EXD1: variants seen among roughly 807,000 people sequenced by gnomAD.
EXD1 encodes the protein exonuclease 3'-5' domain containing 1.
A neutral mutation model predicts 49.1 loss-of-function variants in EXD1; 63 were observed. The ratio of observed to expected loss-of-function variants is 1.28; its 90% CI spans 1.05 to 1.58. The LOEUF is 1.58. EXD1 is among the 40% of genes most tolerant of loss of function. EXD1 has a pLI of 0.00. For missense variants in EXD1, 748 were observed against 666.0 expected (o/e 1.12, Z -1.36); for synonymous variants, 234 against 239.2 (o/e 0.98, Z 0.20).
rs1198449650 is a variant in EXD1 at position 41,184,157 on chromosome 15, C to A, written c.1493G>T (p.Ser498Ile). 2 of 1,614,066 alleles carry A rather than the reference C, an allele frequency of 1.2e-6. No homozygotes were observed. The highest frequency in any genetic ancestry group is 2.7e-5 in the African/African-American group (2 of 74,940). ...FMTPKHEFQA[S>I]LSLKEETEQL... ...TTCTGTCTCCTCTTTCAAAGATAAA[C>A]TTGCCTGAAACTCATGTTTGGGTGT... The change falls in exon 12 of 12, where the codon AGT becomes ATT. Residue 498 changes from serine (S) to isoleucine (I), a missense_variant. Coordinates refer to ENST00000458580, the MANE Select transcript of EXD1 (RefSeq NM_001286441.2).
rs755130305 is a variant in EXD1, at chr15:41,184,406, C to G, written c.1244G>C (p.Gly415Ala). Residue 415 changes from glycine (G) to alanine (A), a missense_variant, in exon 12 of 12, where the codon GGT (glycine) becomes GCT (alanine). Transcript: ENST00000458580. Reference protein sequence around the residue: ...KEEKVKGFLFGKNFRIDKAPS... With the variant: ...KEEKVKGFLFAKNFRIDKAPS... ...AGCTTTATCTATCCTAAAATTTTTACCAAATAAGAAGCCTTTGACTTTCTC... is the reference window on the plus strand; with the variant it reads ...AGCTTTATCTATCCTAAAATTTTTAGCAAATAAGAAGCCTTTGACTTTCTC... 1.9e-6 allele frequency: 3 copies of G among 1,613,878 alleles called. No individual in the cohort carries two copies. Among genetic ancestry groups the G allele is most frequent in the Non-Finnish European group, 2.5e-6 (3 of 1,180,020 alleles).
chr15:41,219,114 T>G (rs2047049120), intron 3 of EXD1, among the ~76,000 whole-genome samples: 1 of 152,150 alleles, frequency 6.6e-6, no homozygotes, highest in South Asian at 2.1e-4. Flanking sequence ...GAACATTTCT[T>G]GCTTTCTCTT....
intron 2 of EXD1, among the ~76,000 whole-genome samples, chr15:41,225,151 C>T (rs990596523): frequency 3.3e-5 from 5 of 152,164 alleles, no homozygotes; most frequent in Non-Finnish European, 7.3e-5. Context: ...TGTCTTTCAG[C>T]CATTGCACTG....
chr15:41,189,523 C>A (rs1249883653), intron 11 of EXD1, among the ~76,000 whole-genome samples: 1 of 150,962 alleles, frequency 6.6e-6, no homozygotes. Context: ...ATTAGCCAGG[C>A]GTGGTGGCAC....
At chr15:41,208,369 G>GAAAAAAAA (rs10586810) in intron 7 of EXD1, among the ~76,000 whole-genome samples, 1 of 62,672 alleles carries the variant, frequency 1.6e-5, no homozygotes. Context: ...ACTCATCTCT[G>GAAAAAAAA]AAAAAAAAAA....
rs148420576 is a variant in EXD1 at position 41,204,466 on chromosome 15, G to A, written c.534+5035C>T. Among the ~76,000 whole-genome samples the A allele has an allele frequency of 4.0e-3, 604 of 152,100 alleles. 23 individuals carry two copies. In the East Asian group the frequency reaches 0.07, roughly 18 times the overall value. On this transcript the variant is annotated intron_variant, in intron 7 of 11. Coordinates refer to ENST00000458580, the MANE Select transcript of EXD1 (RefSeq NM_001286441.2). ...CTGGGGAGGCTGAGGCAGGAGAATC[G>A]CTGGAACCCAGGAGATGGAGGCTGC...
intron 1 of EXD1, among the ~76,000 whole-genome samples, chr15:41,227,220 T>A (rs2047176097): frequency 1.3e-5 from 2 of 152,228 alleles, no homozygotes; most frequent in Non-Finnish European, 2.9e-5. Flanking sequence ...TTCTTTCAAC[T>A]TGTGTTTAAT....
At chr15:41,184,619 T>G in intron 11 of EXD1, 26 bp from the exon 12 acceptor site, 1 of 1,541,884 alleles carries the variant, frequency 6.5e-7, no homozygotes, top group Non-Finnish European at 8.7e-7. Flanking sequence ...GAACACAAGT[T>G]TATTATAACT....
intron 1 of EXD1, among the ~76,000 whole-genome samples, chr15:41,228,449 G>A (rs2047193958): frequency 1.3e-5 from 2 of 152,104 alleles, no homozygotes; most frequent in South Asian, 2.1e-4. Flanking sequence ...AAGTTTAGAA[G>A]GTTAAGACAC....
At position 41,230,515 on chromosome 15, in the gene EXD1, C is replaced by G; in HGVS notation, c.-90G>C. ...AATTCACTGTCCTCCATCGTTAGGG[C>G]TTTTTCCTCCGAAGGAAGTTTGGGA... On this transcript the variant is annotated 5_prime_UTR_variant, in exon 1 of 12. Transcript: ENST00000458580. 6.2e-7 allele frequency: 1 copy of G among 1,614,156 alleles called. No homozygotes were observed. Among genetic ancestry groups the G allele is most frequent in the Non-Finnish European group, 8.5e-7 (1 of 1,180,008 alleles).
In EXD1 at chr15:41,199,739, G is replaced by GATATATC. The variant is rs777473507; in HGVS notation, c.535-3703_535-3702insGATATAT. 3.4e-3 allele frequency among the ~76,000 whole-genome samples: 271 copies of GATATATC among 79,358 alleles called. 11 individuals carry two copies. Among genetic ancestry groups the GATATATC allele is most frequent in the African/African-American group, 0.013 (260 of 19,414 alleles). The allele number at this position is 79,358 out of a possible 152,430, so 52.1% of individuals were successfully genotyped here. On this transcript the variant is annotated intron_variant, in intron 7 of 11. Coordinates refer to ENST00000458580, the MANE Select transcript of EXD1 (RefSeq NM_001286441.2). ...ATGATATATTATATATGATATATAT[G>GATATATC]TCATATATTATATATGATACATATA...
At chr15:41,226,910 T>C (rs1234241839) in intron 1 of EXD1, among the ~76,000 whole-genome samples, 1 of 152,130 alleles carries the variant, frequency 6.6e-6, no homozygotes, top group East Asian at 1.9e-4. Context: ...AGCAGAACAT[T>C]TAGAGGCTTT....
rs539338246 is a variant in EXD1 at position 41,205,467 on chromosome 15, T to G, written c.534+4034A>C. On this transcript the variant is annotated intron_variant, in intron 7 of 11. Coordinates refer to ENST00000458580, the MANE Select transcript of EXD1 (RefSeq NM_001286441.2). ...GGCATCCTTAAAGATATGGAACAGC[T>G]TAGTCATAGGTATAAAGAAAACAAA... 1.5e-4 allele frequency among the ~76,000 whole-genome samples: 23 copies of G among 152,242 alleles called. No individual in the cohort carries two copies. In the South Asian group the frequency reaches 4.8e-3, roughly 32 times the overall value.
At chr15:41,196,256 C>G in intron 7 of EXD1, among the ~76,000 whole-genome samples, 1 of 151,968 alleles carries the variant, frequency 6.6e-6, no homozygotes. Context: ...AAGCAATTCT[C>G]CTGCCTCGGC....
chr15:41,209,809 A>G (rs1303859910), intron 6 of EXD1, among the ~76,000 whole-genome samples: 1 of 152,076 alleles, frequency 6.6e-6, no homozygotes, highest in Admixed American at 6.6e-5. Flanking sequence ...AGTGTTCCAC[A>G]GCTGGAAAAT....
chr15:41,207,458 T>A (rs2046850512), intron 7 of EXD1, among the ~76,000 whole-genome samples: 1 of 151,960 alleles, frequency 6.6e-6, no homozygotes, highest in African/African-American at 2.4e-5. Flanking sequence ...GAGAATTTCT[T>A]GAACCCGGGA....
At chr15:41,206,778 C>G (rs1423883429) in intron 7 of EXD1, among the ~76,000 whole-genome samples, 2 of 150,168 alleles carry the variant, frequency 1.3e-5, no homozygotes, top group South Asian at 4.2e-4. Context: ...TGCGCCACCA[C>G]GCCTGGCTAA....
intron 3 of EXD1, among the ~76,000 whole-genome samples, chr15:41,218,577 C>T (rs569089238): frequency 2.6e-4 from 39 of 151,892 alleles, no homozygotes; most frequent in Admixed American, 2.0e-3. Flanking sequence ...ATCACAAAGC[C>T]GGTCAGCCAT....
chr15:41,207,576 C>T (rs1449149182), intron 7 of EXD1, among the ~76,000 whole-genome samples: 3 of 151,880 alleles, frequency 2.0e-5, no homozygotes, highest in Non-Finnish European at 2.9e-5. Context: ...AAACGTAGTG[C>T]CTCTGAAGTG....
Sources: gnomAD v4.1 joint callset for allele counts (sites outside exome capture counted in the v4.1 genomes callset) on GRCh38, gnomAD v4.1.1 for gene constraint, MANE v1.5 for transcripts, NCBI Gene and HGNC (gene_info 2026-07-23, HGNC 2026-07-21) for gene names.